ANKRD30B: variants seen among roughly 807,000 people sequenced by gnomAD.
ANKRD30B encodes ankyrin repeat domain 30B, also known as ankyrin repeat domain-containing protein 30B.
Under a neutral mutation model 202.2 loss-of-function variants are expected in ANKRD30B, and 144 were observed. The observed-to-expected ratio is 0.71, with a 90% CI of 0.62 to 0.82. The LOEUF (loss-of-function observed/expected upper bound fraction) is 0.82. Among genes scored for constraint, ANKRD30B ranks in the 40% least tolerant of loss-of-function variants. The pLI, the probability that ANKRD30B is intolerant of heterozygous loss-of-function variation, is 0.00. For missense variants in ANKRD30B, 1,487 were observed against 1,669.1 expected (o/e 0.89, Z 1.90); for synonymous variants, 508 against 561.3 (o/e 0.91, Z 1.34).
intron 14 of ANKRD30B, among the ~76,000 whole-genome samples, chr18:14,786,505 A>C (rs1231815298): frequency 2.6e-5 from 4 of 152,210 alleles, no homozygotes; most frequent in Non-Finnish European, 5.9e-5. Flanking sequence ...CACCCAAAAC[A>C]CACCCAATAC....
At position 14,788,491 on chromosome 18, in the gene ANKRD30B, C is replaced by T. The variant is rs192464392; in HGVS notation, c.1734+1391C>T. Among the ~76,000 whole-genome samples the T allele has an allele frequency of 1.8e-4, 27 of 152,120 alleles. No homozygotes were observed. In the East Asian group the frequency reaches 4.4e-3, roughly 25 times the overall value. ...TGTGAGCCATGCTGGTGTGCTCCAC[C>T]CATTAACTCGTCATTTAGCATTAGT... On this transcript the variant is annotated intron_variant, in intron 15 of 43. Transcript: ENST00000690538.
At chr18:14,932,562 T>A in the ANKRD30B span, among the ~76,000 whole-genome samples, 3 of 152,084 alleles carry the variant, frequency 2.0e-5, no homozygotes, top group Non-Finnish European at 4.4e-5. Context: ...ATGTTTTTGA[T>A]CTCCAGACCT....
chr18:14,773,324 T>A (rs1413067424), intron 9 of ANKRD30B, among the ~76,000 whole-genome samples: 1 of 151,182 alleles, frequency 6.6e-6, no homozygotes, highest in Non-Finnish European at 1.5e-5. Flanking sequence ...CGTGTGTGCA[T>A]CCTAGTGTAC....
At chr18:14,883,365 GTCTGTC>G in the ANKRD30B span, among the ~76,000 whole-genome samples, 10,955 of 103,884 alleles carry the variant, frequency 0.11, 537 homozygotes, top group Non-Finnish European at 0.12. Flanking sequence ...CTCTCTGTCT[GTCTGTC>G]TCTCTCTCTC....
chr18:14,883,006 CTCTT>C, the ANKRD30B span, among the ~76,000 whole-genome samples: 5 of 110,820 alleles, frequency 4.5e-5, no homozygotes. Context: ...AATTGTAACT[CTCTT>C]TCTAGTGCCT....
downstream of ANKRD30B, among the ~76,000 whole-genome samples, chr18:14,854,961 T>C (rs1972038884): frequency 3.3e-5 from 5 of 151,934 alleles, no homozygotes. Context: ...GAGAGGGGGA[T>C]GTGGCAGGGT....
intron 16 of ANKRD30B, among the ~76,000 whole-genome samples, 175 bp from the exon 17 acceptor site, chr18:14,796,046 A>G (rs1968864248): frequency 6.6e-6 from 1 of 152,144 alleles, no homozygotes; most frequent in Admixed American, 6.6e-5. Flanking sequence ...TCTTAAGTAT[A>G]TTTCTGTCCC....
At chr18:14,868,923 C>T in the ANKRD30B span, among the ~76,000 whole-genome samples, 1 of 152,208 alleles carries the variant, frequency 6.6e-6, no homozygotes, top group African/African-American at 2.4e-5. Flanking sequence ...TCTCTGGCTT[C>T]TCACGGACTC....
chr18:14,897,139 C>A, the ANKRD30B span, among the ~76,000 whole-genome samples: 9 of 152,026 alleles, frequency 5.9e-5, no homozygotes, highest in Admixed American at 4.6e-4. Context: ...TGTGCAAGGC[C>A]ATGGAAGCAA....
the ANKRD30B span, chr18:14,877,753 C>G: frequency 6.6e-6 from 1 of 152,190 alleles, no homozygotes; most frequent in East Asian, 1.9e-4. Flanking sequence ...CAGAAGGACC[C>G]ATTCCTGCTA....
At chr18:14,903,662 C>G in the ANKRD30B span, 1 of 152,184 alleles carries the variant, frequency 6.6e-6, no homozygotes, top group Non-Finnish European at 1.5e-5. Flanking sequence ...CTCTGAAGGT[C>G]TTTAATTCAA....
At chr18:14,787,009 A>G in intron 14 of ANKRD30B, 30 bp from the exon 15 acceptor site, 2 of 1,590,486 alleles carry the variant, frequency 1.3e-6, no homozygotes, top group Non-Finnish European at 8.6e-7. Flanking sequence ...AAATGTTCTC[A>G]TGAATACATC....
intron 9 of ANKRD30B, among the ~76,000 whole-genome samples, chr18:14,773,360 A>G (rs62086410): frequency 6.6e-6 from 1 of 151,888 alleles, no homozygotes; most frequent in Admixed American, 6.6e-5. Flanking sequence ...GCCTATAAAA[A>G]GATTTTAAGA....
At chr18:14,826,726 C>CACACACA (rs1491141968) in intron 32 of ANKRD30B, among the ~76,000 whole-genome samples, 1 of 149,226 alleles carries the variant, frequency 6.7e-6, no homozygotes, top group South Asian at 2.2e-4. Context: ...CACACACACA[C>CACACACA]AAGTACAGTA....
At chr18:14,831,023 A>G (rs1195900914) in intron 33 of ANKRD30B, among the ~76,000 whole-genome samples, 1 of 151,644 alleles carries the variant, frequency 6.6e-6, no homozygotes, top group Non-Finnish European at 1.5e-5. Context: ...TCTACTAAAA[A>G]TACAAAAAAT....
chr18:14,867,467 GT>G, the ANKRD30B span, among the ~76,000 whole-genome samples: 1 of 152,194 alleles, frequency 6.6e-6, no homozygotes, highest in South Asian at 2.1e-4. Flanking sequence ...TTCTGCTCGT[GT>G]TGGAGCGCAG....
At chr18:14,790,339 G>A (rs1036125360) in intron 15 of ANKRD30B, among the ~76,000 whole-genome samples, 1 of 152,028 alleles carries the variant, frequency 6.6e-6, no homozygotes, top group African/African-American at 2.4e-5. Context: ...CTGCAAATAG[G>A]GACAATTTGA....
chr18:14,939,550 G>T, the ANKRD30B span, among the ~76,000 whole-genome samples: 6 of 152,286 alleles, frequency 3.9e-5, no homozygotes, highest in African/African-American at 1.2e-4. Flanking sequence ...TACACCCCTA[G>T]CCCTAATTAG....
chr18:14,864,356 C>A, the ANKRD30B span, among the ~76,000 whole-genome samples: 128 of 152,138 alleles, frequency 8.4e-4, no homozygotes, highest in African/African-American at 3.0e-3. Context: ...CCAAACCAAA[C>A]CAAACCAAAA....
Sources: gnomAD v4.1 joint callset for allele counts (sites outside exome capture counted in the v4.1 genomes callset) on GRCh38, gnomAD v4.1.1 for gene constraint, MANE v1.5 for transcripts, NCBI Gene and HGNC (gene_info 2026-07-23, HGNC 2026-07-21) for gene names.